The following UNC80 variants were observed in gnomAD, a reference collection of about 807,000 sequenced individuals.
UNC80 encodes protein unc-80 homolog.
In UNC80, 164 loss-of-function variants were observed where a neutral mutation model predicts 384.6. The observed-to-expected ratio is 0.43, with a 90% CI of 0.38 to 0.49. The LOEUF is 0.49. UNC80 is among the 20% of genes least tolerant of loss of function. The pLI, the probability that UNC80 is intolerant of heterozygous loss-of-function variation, is 0.00. For synonymous variants in UNC80, 1,486 were observed against 1,527.8 expected, an observed-to-expected ratio of 0.97 and a Z score of 0.64; for missense variants, 3,330 against 4,143.0, an observed-to-expected ratio of 0.80 and a Z score of 5.39.
chr2:209,973,056 C>T lies in UNC80; in HGVS notation c.8381-8C>T, dbSNP rs1391092519. The T allele has an allele frequency of 1.9e-6, 3 of 1,551,092 alleles. No individual in the cohort carries two copies. Among genetic ancestry groups the T allele is most frequent in the Middle Eastern group, 1.7e-4 (1 of 5,988 alleles). On this transcript the variant is annotated splice_polypyrimidine_tract_variant and splice_region_variant and intron_variant, in intron 55 of 64. Transcript: ENST00000673920. ...TTCCACTTCCGTCTTCCAAATTCTG[C>T]CCCTCAGATAGCCCATGGCTGGAGC...
intron 29 of UNC80, among the ~76,000 whole-genome samples, chr2:209,908,309 C>T (rs926774938): frequency 3.9e-5 from 6 of 152,164 alleles, no homozygotes; most frequent in Non-Finnish European, 8.8e-5. Flanking sequence ...GCAGCTAGTA[C>T]ATTTTGTAAC....
chr2:209,960,895 G>A (rs2092567987), intron 51 of UNC80: 1 of 152,230 alleles, frequency 6.6e-6, no homozygotes, highest in South Asian at 2.1e-4. Flanking sequence ...TGCTGTCATA[G>A]CAACTTAGGA....
At chr2:209,865,990 C>T (rs2083725741) in intron 22 of UNC80, among the ~76,000 whole-genome samples, 1 of 152,050 alleles carries the variant, frequency 6.6e-6, no homozygotes, top group South Asian at 2.1e-4. Context: ...GGTAATCTGC[C>T]CTCCTCCCAC....
At chr2:209,975,373 G>A (rs7562016) in intron 56 of UNC80, among the ~76,000 whole-genome samples, 4,743 of 152,258 alleles carry the variant, frequency 0.031, 254 homozygotes, top group African/African-American at 0.11. Flanking sequence ...CTGACACACG[G>A]TTTGGGAAAT....
chr2:209,911,012 A>G (rs1415752906), intron 29 of UNC80, among the ~76,000 whole-genome samples: 4 of 152,102 alleles, frequency 2.6e-5, no homozygotes, highest in Non-Finnish European at 5.9e-5. Context: ...GAAATACCCT[A>G]GACTGGGTAA....
At chr2:209,915,817 G>A (rs2089472440) in intron 31 of UNC80, among the ~76,000 whole-genome samples, 2 of 152,182 alleles carry the variant, frequency 1.3e-5, no homozygotes, top group Admixed American at 1.3e-4. Flanking sequence ...CAAAAGCATA[G>A]TAGTGTGACT....
At position 209,771,907 on chromosome 2, in the gene UNC80, G is replaced by A. The variant is rs965295226; in HGVS notation, c.-166G>A. ...TCCCGCAGCCATGTTCCACGCGCGG[G>A]GAGGGGTGGGGGGAGGGGAGAGGCA... On this transcript the variant is annotated 5_prime_UTR_variant, in exon 1 of 65. Coordinates refer to ENST00000673920, the MANE Select transcript of UNC80 (RefSeq NM_001371986.1). 1 of 617,838 alleles carries A rather than the reference G, an allele frequency of 1.6e-6. No homozygotes were observed. The highest frequency in any genetic ancestry group is 3.0e-6 in the Non-Finnish European group (1 of 330,584). The allele number at this position is 617,838 out of a possible 1,614,324, so 38.3% of individuals were successfully genotyped here.
chr2:209,872,424 T>C lies in UNC80; in HGVS notation c.3628-334T>C, dbSNP rs763798676. ...TCATCTTTAAGACCTCACTAAAAGC[T>C]CTTTCACTCTACACTCAAATCGCTG... On this transcript the variant is annotated intron_variant, in intron 22 of 64. Coordinates refer to ENST00000673920, the MANE Select transcript of UNC80 (RefSeq NM_001371986.1). The surrounding 1 kb of genome is among the most constrained non-coding windows in gnomAD (Gnocchi z 4.1). Among the ~76,000 whole-genome samples, 3 of 152,192 alleles carry C rather than the reference T, an allele frequency of 2.0e-5. No homozygotes were observed. Among genetic ancestry groups the C allele is most frequent in the African/African-American group, 4.8e-5 (2 of 41,450 alleles).
intron 47 of UNC80, among the ~76,000 whole-genome samples, chr2:209,949,471 G>C (rs7557496): frequency 0.1 from 15,438 of 151,524 alleles, 1,948 homozygotes; most frequent in African/African-American, 0.3. Flanking sequence ...CCCACCCCCC[G>C]CTTTTTAATT....
intron 39 of UNC80, 41 bp downstream of exon 39, chr2:209,934,046 A>G (rs1202647432): frequency 1.8e-5 from 26 of 1,476,598 alleles, no homozygotes; most frequent in Non-Finnish European, 2.3e-5. Flanking sequence ...CTTTAAAAAA[A>G]AATTATAAAT....
At chr2:209,994,009 T>C (rs1006529217) in intron 63 of UNC80, 56 bp from the exon 64 acceptor site, 12 of 1,466,292 alleles carry the variant, frequency 8.2e-6, no homozygotes, top group Non-Finnish European at 9.2e-6. Flanking sequence ...TATTAAGCAT[T>C]GACGGTCCGT....
intron 26 of UNC80, among the ~76,000 whole-genome samples, chr2:209,892,986 C>T (rs1248843245): frequency 6.6e-6 from 1 of 152,168 alleles, no homozygotes; most frequent in Admixed American, 6.5e-5. Flanking sequence ...TAATCTTTCT[C>T]CATCACAACA....
At chr2:209,784,567 T>A (rs2077320685) in intron 4 of UNC80, among the ~76,000 whole-genome samples, 1 of 152,222 alleles carries the variant, frequency 6.6e-6, no homozygotes, top group Admixed American at 6.5e-5. Context: ...TGGAATACTT[T>A]TCCTGGAGAT....
chr2:209,967,537 A>G lies in UNC80; in HGVS notation c.7906A>G (p.Ile2636Val), dbSNP rs1316656729. 5.8e-6 allele frequency: 9 copies of G among 1,551,666 alleles called. No individual in the cohort carries two copies. The highest frequency in any genetic ancestry group is 2.0e-5 in the Admixed American group (1 of 50,994). ...GCGCTACATCATGGAGATGCTACCC[A>G]TTACTGACTGGACAGCTGAGGCAGT... Reference protein sequence around the residue: ...LRRYIMEMLPITDWTAEAVRP... With the variant: ...LRRYIMEMLPVTDWTAEAVRP... Residue 2636 changes from isoleucine to valine, a missense_variant, in exon 52 of 65, where the codon ATT (isoleucine) becomes GTT (valine). By Grantham distance (29) the Ile-to-Val change is conservative. Around this residue, in one of 8 missense-constraint regions of UNC80, gnomAD observed 1,049 missense variants for 1,488.6 expected, o/e 0.70. Transcript: ENST00000673920.
At chr2:209,955,736 T>TACAC (rs1334701986) in intron 48 of UNC80, among the ~76,000 whole-genome samples, 8 of 61,370 alleles carry the variant, frequency 1.3e-4, no homozygotes, top group African/African-American at 3.5e-4. Context: ...TATATATATA[T>TACAC]ATACACACAC....
chr2:209,975,906 A>C (rs1434983375), intron 56 of UNC80, among the ~76,000 whole-genome samples: 1 of 152,212 alleles, frequency 6.6e-6, no homozygotes, highest in African/African-American at 2.4e-5. Flanking sequence ...ATACTTGAGT[A>C]ATCTTCATCA....
chr2:209,971,256 T>A (rs947253607), intron 54 of UNC80, among the ~76,000 whole-genome samples: 1 of 152,142 alleles, frequency 6.6e-6, no homozygotes, highest in Non-Finnish European at 1.5e-5. Context: ...CAGCTCACAA[T>A]TGTTAATTAA....
At chr2:209,969,703 A>G (rs1156333918) in intron 52 of UNC80, 65 bp from the exon 53 acceptor site, 1 of 1,539,310 alleles carries the variant, frequency 6.5e-7, no homozygotes, top group South Asian at 1.2e-5. Context: ...TCACTGTCTC[A>G]TTCACTTGTT....
intron 22 of UNC80, among the ~76,000 whole-genome samples, chr2:209,851,838 C>T (rs1262139074): frequency 6.6e-6 from 1 of 151,918 alleles, no homozygotes; most frequent in Non-Finnish European, 1.5e-5. Flanking sequence ...TCTTCCAAGC[C>T]CTTCAGTTTT....
Sources: allele counts gnomAD v4.1 joint callset (sites outside exome capture counted in the v4.1 genomes callset), GRCh38; gene constraint gnomAD v4.1.1; regional missense constraint gnomAD v4.1.1; non-coding constraint Gnocchi (gnomAD v3.1); transcripts MANE v1.5; gene names NCBI Gene and HGNC (gene_info 2026-07-23, HGNC 2026-07-21).